Variants in CCDC171 observed in about 807,000 individuals in gnomAD.
The protein encoded by CCDC171 is coiled-coil domain-containing protein 171.
In CCDC171, 177 loss-of-function variants were observed where a neutral mutation model predicts 168.2. That is an observed-to-expected ratio of 1.05 (90% CI 0.93 to 1.19). The LOEUF (loss-of-function observed/expected upper bound fraction) is 1.19. Ranked by LOEUF, CCDC171 falls within the 50% of genes most tolerant of loss-of-function variation. The pLI is 0.00. For synonymous variants in CCDC171, 687 were observed against 540.8 expected, an observed-to-expected ratio of 1.27 and a Z score of -3.75; for missense variants, 1,991 against 1,539.0, an observed-to-expected ratio of 1.29 and a Z score of -4.91.
At chr9:15,886,614 G>A (rs1819431807) in intron 24 of CCDC171, 2 of 152,158 alleles carry the variant, frequency 1.3e-5, no homozygotes, top group South Asian at 2.1e-4. Context: ...CTACTTCTGG[G>A]TATACATCAA....
intron 1 of CCDC171, among the ~76,000 whole-genome samples, chr9:16,059,570 A>G (rs1468012732): frequency 1.6e-5 from 2 of 127,774 alleles, no homozygotes; most frequent in Non-Finnish European, 3.1e-5. Context: ...TGCGGACTGC[A>G]GTGGCGCAAT....
chr9:15,748,494 GA>G (rs1265122355), intron 18 of CCDC171, among the ~76,000 whole-genome samples: 6 of 152,134 alleles, frequency 3.9e-5, no homozygotes, highest in Non-Finnish European at 8.8e-5. Flanking sequence ...TATTCCTCGA[GA>G]TGAGCAACCC....
chr9:15,718,376 G>C (rs1337483993), intron 11 of CCDC171, among the ~76,000 whole-genome samples: 2 of 152,216 alleles, frequency 1.3e-5, no homozygotes, highest in East Asian at 3.9e-4. Flanking sequence ...AGCATCTCTG[G>C]ATCTTCCCAG....
intron 18 of CCDC171, among the ~76,000 whole-genome samples, chr9:15,767,791 C>CA (rs1228621340): frequency 2.0e-5 from 3 of 148,438 alleles, no homozygotes; most frequent in African/African-American, 7.5e-5. Context: ...TTTGTGTGCC[C>CA]TATGGGCTCT....
In CCDC171 at chr9:15,607,123, T is replaced by C. The variant is rs567704317; in HGVS notation, c.675+12951T>C. On this transcript the variant is annotated intron_variant, in intron 6 of 25. Coordinates refer to ENST00000380701, the MANE Select transcript of CCDC171 (RefSeq NM_173550.4). ...TAAAGCCATAAACTTAAAGCAAATA[T>C]TTGAACATACAACCCCCCCAGGGAT... Among the ~76,000 whole-genome samples, 894 of 152,312 alleles carry C rather than the reference T, an allele frequency of 5.9e-3. 8 individuals are homozygous for C. Among genetic ancestry groups the C allele is most frequent in the Non-Finnish European group, 0.011 (747 of 68,034 alleles).
At chr9:15,628,090 G>T (rs1435386431) in intron 7 of CCDC171, among the ~76,000 whole-genome samples, 1 of 152,192 alleles carries the variant, frequency 6.6e-6, no homozygotes, top group African/African-American at 2.4e-5. Flanking sequence ...ACAGCTCCCA[G>T]CGTGAGCGAC....
At chr9:15,844,739 A>G (rs1479780037) in intron 21 of CCDC171, among the ~76,000 whole-genome samples, 2 of 152,108 alleles carry the variant, frequency 1.3e-5, no homozygotes, top group Non-Finnish European at 2.9e-5. Flanking sequence ...AAGAATGGAA[A>G]CGAGAAGATT....
intron 16 of CCDC171, among the ~76,000 whole-genome samples, chr9:15,737,433 C>T (rs927211522): frequency 2.0e-5 from 3 of 152,066 alleles, no homozygotes; most frequent in South Asian, 2.1e-4. Flanking sequence ...TGGAGCCAAC[C>T]TGGGCCCTGT....
intron 25 of CCDC171, among the ~76,000 whole-genome samples, chr9:15,966,626 G>A (rs1214167977): frequency 6.6e-6 from 1 of 152,124 alleles, no homozygotes; most frequent in Non-Finnish European, 1.5e-5. Flanking sequence ...TACCTGTATG[G>A]TTGTCCTTTT....
At chr9:16,088,569 A>G in the CCDC171 span, among the ~76,000 whole-genome samples, 308 of 152,216 alleles carry the variant, frequency 2.0e-3, 2 homozygotes, top group Non-Finnish European at 1.8e-3. Flanking sequence ...ATTCTTATAC[A>G]CCAATAACAG....
chr9:15,737,622 A>C (rs1407307223), intron 16 of CCDC171, among the ~76,000 whole-genome samples: 1 of 152,206 alleles, frequency 6.6e-6, no homozygotes, highest in Non-Finnish European at 1.5e-5. Flanking sequence ...TGTTCTTTTG[A>C]GGGTATGGCT....
rs571270310 is a variant in CCDC171, at chr9:15,819,677, C to G, written c.3268-27025C>G. Among the ~76,000 whole-genome samples, 46 of 117,390 alleles carry G rather than the reference C, an allele frequency of 3.9e-4. 12 individuals are homozygous for G. Among genetic ancestry groups the G allele is most frequent in the Non-Finnish European group, 6.5e-4 (34 of 52,272 alleles). 77.0% of individuals were successfully genotyped at this position (117,390 alleles called of 152,430 possible). On this transcript the variant is annotated intron_variant, in intron 21 of 25. Transcript: ENST00000380701. The stretch of plus-strand genomic sequence containing the variant: ...TATATGCACCCAATACAGGAACACC[C>G]AGATTCATAAAGCAAGTCCTGAGTG...
At chr9:15,667,892 A>G (rs530752019) in intron 9 of CCDC171, among the ~76,000 whole-genome samples, 3 of 152,172 alleles carry the variant, frequency 2.0e-5, no homozygotes, top group Non-Finnish European at 4.4e-5. Context: ...CATTCTGTGA[A>G]TGTTATTCTA....
At chr9:15,710,959 T>C (rs1393234079) in intron 11 of CCDC171, among the ~76,000 whole-genome samples, 1 of 152,222 alleles carries the variant, frequency 6.6e-6, no homozygotes, top group Admixed American at 6.5e-5. Context: ...TCATTTGTTC[T>C]AGGAGTTTCA....
At chr9:15,657,289 C>T (rs753435716) in intron 8 of CCDC171, 70 bp downstream of exon 8, 2 of 883,548 alleles carry the variant, frequency 2.3e-6, no homozygotes, top group Non-Finnish European at 3.7e-6. Context: ...AAAAACAGCA[C>T]TGTGTTCAGA....
the CCDC171 span, among the ~76,000 whole-genome samples, chr9:16,093,009 G>A: frequency 2.0e-5 from 3 of 152,184 alleles, no homozygotes; most frequent in Non-Finnish European, 4.4e-5. Context: ...GGGACATGAC[G>A]AATGGCCTTG....
In CCDC171 at chr9:16,034,873, G is replaced by A. The variant is rs188916170; in HGVS notation, n.999-584G>A. 4.5e-3 allele frequency among the ~76,000 whole-genome samples: 683 copies of A among 152,234 alleles called. 10 individuals are homozygous for A. The highest frequency in any genetic ancestry group is 3.6e-3 in the Non-Finnish European group (246 of 68,010). On this transcript the variant is annotated intron_variant and non_coding_transcript_variant, in intron 6 of 9. Transcript: ENST00000486641. Reference sequence around the variant, plus strand: ...GTTTTCAAATTTTCTGGGCCCAAGGGTTAACTTGGAGAGTGGGGTCTATCC... The same window carrying A: ...GTTTTCAAATTTTCTGGGCCCAAGGATTAACTTGGAGAGTGGGGTCTATCC...
At position 15,775,356 on chromosome 9, in the gene CCDC171, G is replaced by T. The variant is rs2057262810; in HGVS notation, c.2672-2244G>T. On this transcript the variant is annotated intron_variant, in intron 18 of 25. Coordinates refer to ENST00000380701, the MANE Select transcript of CCDC171 (RefSeq NM_173550.4). Reference sequence around the variant, plus strand: ...TGTGACAAAGTAAAAAACCTTATTTGTTTGTTTATTTATTTATTCCTTTTT... The same window carrying T: ...TGTGACAAAGTAAAAAACCTTATTTTTTTGTTTATTTATTTATTCCTTTTT... 2.6e-5 allele frequency among the ~76,000 whole-genome samples: 4 copies of T among 152,192 alleles called. No individual in the cohort carries two copies. In the South Asian group the frequency reaches 8.3e-4, roughly 32 times the overall value.
rs570368140 is a variant in CCDC171, at chr9:15,912,475, A to G, written c.3601-7795A>G. The stretch of plus-strand genomic sequence containing the variant: ...TGAGACGATGGGGTTTTTTTAATAT[A>G]CAGTCATGTCATCTGCAAACAGAGG... On this transcript the variant is annotated intron_variant, in intron 24 of 25. Transcript: ENST00000380701. Among the ~76,000 whole-genome samples, 277 of 152,278 alleles carry G rather than the reference A, an allele frequency of 1.8e-3. 2 individuals carry two copies. Among genetic ancestry groups the G allele is most frequent in the African/African-American group, 6.4e-3 (265 of 41,544 alleles).
Sources: gnomAD v4.1 joint callset for allele counts (sites outside exome capture counted in the v4.1 genomes callset) on GRCh38, gnomAD v4.1.1 for gene constraint, MANE v1.5 for transcripts, NCBI Gene and HGNC (gene_info 2026-07-23, HGNC 2026-07-21) for gene names.